Variants in ABHD18 observed in about 807,000 individuals in gnomAD.
ABHD18 encodes cardiolipin-specific deacylase, mitochondrial.
A neutral mutation model predicts 65.9 loss-of-function variants in ABHD18; 55 were observed. That is an observed-to-expected ratio of 0.84 (90% CI 0.67 to 1.05). ABHD18 has a LOEUF of 1.05. ABHD18 is among the 50% of genes least tolerant of loss of function. The probability of loss-of-function intolerance (pLI) is 0.00; values close to 1 mark genes in which losing one functional copy is unlikely to be tolerated. For synonymous variants in ABHD18, 181 were observed against 180.2 expected (o/e 1.00, Z -0.04); for missense variants, 533 against 558.5 (o/e 0.95, Z 0.46).
intron 3 of ABHD18, among the ~76,000 whole-genome samples, chr4:127,988,273 C>T (rs536115441): frequency 6.6e-6 from 1 of 152,258 alleles, no homozygotes; most frequent in East Asian, 1.9e-4. Flanking sequence ...CTCTGTCACC[C>T]AGGCTGCACT....
intron 1 of ABHD18, among the ~76,000 whole-genome samples, chr4:127,980,020 G>A (rs569158367): frequency 6.6e-6 from 1 of 151,490 alleles, no homozygotes; most frequent in Non-Finnish European, 1.5e-5. Flanking sequence ...TGCCAAAAAT[G>A]TGTTACATTA....
intron 9 of ABHD18, 60 bp downstream of exon 9, chr4:128,020,229 GGGGT>G: frequency 6.4e-6 from 9 of 1,406,594 alleles, no homozygotes; most frequent in Non-Finnish European, 8.9e-6. Flanking sequence ...TTGTTTTGGG[GGGGT>G]CCCCAAAACC....
chr4:127,998,352 G>A (rs1307344020), intron 4 of ABHD18, among the ~76,000 whole-genome samples: 5 of 142,304 alleles, frequency 3.5e-5, no homozygotes, highest in Non-Finnish European at 6.0e-5. Flanking sequence ...GCACGATCTC[G>A]GCTTACTGCA....
chr4:128,010,515 G>A (rs1241944749), intron 6 of ABHD18, among the ~76,000 whole-genome samples: 1 of 147,816 alleles, frequency 6.8e-6, no homozygotes, highest in Non-Finnish European at 1.5e-5. Context: ...CAAAAAGAGT[G>A]AAACTGTGTC....
intron 12 of ABHD18, among the ~76,000 whole-genome samples, chr4:128,033,529 T>G (rs1248036177): frequency 2.1e-5 from 3 of 145,398 alleles, no homozygotes; most frequent in African/African-American, 7.7e-5. Context: ...ATAGTCTTTT[T>G]TTTTTTTTTT....
At chr4:128,003,990 C>T (rs1458086659) in intron 4 of ABHD18, among the ~76,000 whole-genome samples, 2 of 151,182 alleles carry the variant, frequency 1.3e-5, no homozygotes, top group Non-Finnish European at 3.0e-5. Flanking sequence ...AACAAAAAAC[C>T]ATTTCAATTG....
intron 10 of ABHD18, among the ~76,000 whole-genome samples, chr4:128,024,234 G>A (rs1476177937): frequency 6.6e-6 from 1 of 152,004 alleles, no homozygotes; most frequent in Admixed American, 6.6e-5. Context: ...AAGAGATAGA[G>A]GGAGGGAAGA....
intron 4 of ABHD18, among the ~76,000 whole-genome samples, chr4:127,995,995 T>C (rs1298010659): frequency 6.6e-6 from 1 of 152,236 alleles, no homozygotes; most frequent in Non-Finnish European, 1.5e-5. Flanking sequence ...TTTATTTAAC[T>C]GTATGGTACT....
At chr4:127,986,150 C>T (rs11935267) in intron 3 of ABHD18, among the ~76,000 whole-genome samples, 3,992 of 152,298 alleles carry the variant, frequency 0.026, 156 homozygotes, top group African/African-American at 0.091. Context: ...AAAAGAAACC[C>T]TGTATCCATT....
At chr4:128,000,850 T>G (rs1231740911) in intron 4 of ABHD18, among the ~76,000 whole-genome samples, 5 of 152,188 alleles carry the variant, frequency 3.3e-5, no homozygotes, top group African/African-American at 1.2e-4. Flanking sequence ...ATCTTTTACC[T>G]CCTTGGTAAG....
rs1372878077 is a variant in ABHD18, at chr4:128,017,450, G to A, written c.558G>A (p.Glu186=). ...LESAALLHWL[E]REGYGPLGMT... is the part of the protein sequence containing the mutation. ...CTGCAGCTCTCTTGCACTGGCTAGA[G>A]AGGGAAGGTTACGGCCCTTTAGGAA... Residue 186 remains glutamate (E), a synonymous_variant, in exon 8 of 13, where the codon GAG becomes GAA. Transcript: ENST00000645843. 1.9e-6 allele frequency: 3 copies of A among 1,613,754 alleles called. No homozygotes were observed. The highest frequency in any genetic ancestry group is 3.3e-5 in the Admixed American group (2 of 59,992).
chr4:128,035,388 A>G (rs562576869), intron 12 of ABHD18, among the ~76,000 whole-genome samples: 29 of 152,258 alleles, frequency 1.9e-4, no homozygotes, highest in African/African-American at 6.0e-4. Flanking sequence ...CCTAGCCAAC[A>G]TGGTGATACC....
intron 4 of ABHD18, among the ~76,000 whole-genome samples, chr4:127,994,173 T>C (rs1043497467): frequency 6.6e-6 from 1 of 152,238 alleles, no homozygotes. Context: ...TGACAGGTTT[T>C]ATAGACCACA....
intron 1 of ABHD18, among the ~76,000 whole-genome samples, chr4:127,967,390 C>T (rs1232244667): frequency 6.6e-6 from 1 of 152,112 alleles, no homozygotes; most frequent in Non-Finnish European, 1.5e-5. Context: ...TGCTCTTTAC[C>T]ACCAGGCTTC....
At chr4:128,024,818 G>T (rs576115946) in intron 10 of ABHD18, among the ~76,000 whole-genome samples, 24 of 151,824 alleles carry the variant, frequency 1.6e-4, no homozygotes, top group Non-Finnish European at 3.2e-4. Flanking sequence ...TCAGCCTCCC[G>T]AGTAGCTGGG....
At chr4:127,995,569 A>G (rs970382123) in intron 4 of ABHD18, among the ~76,000 whole-genome samples, 4 of 152,334 alleles carry the variant, frequency 2.6e-5, no homozygotes, top group South Asian at 2.1e-4. Flanking sequence ...TTTTAAATAT[A>G]TATCAAAATA....
intron 4 of ABHD18, among the ~76,000 whole-genome samples, chr4:128,003,808 G>T (rs1469219829): frequency 9.9e-5 from 15 of 151,940 alleles, no homozygotes; most frequent in Non-Finnish European, 2.2e-4. Flanking sequence ...AGCCTGGTGT[G>T]GTGGTACGTG....
intron 6 of ABHD18, among the ~76,000 whole-genome samples, chr4:128,010,792 G>A (rs1324666013): frequency 2.7e-5 from 4 of 149,116 alleles, no homozygotes; most frequent in East Asian, 2.0e-4. Context: ...GCGTGTGCCT[G>A]TAATCCCAGC....
chr4:128,029,489 C>T (rs1579468959), intron 11 of ABHD18, among the ~76,000 whole-genome samples: 1 of 151,416 alleles, frequency 6.6e-6, no homozygotes, highest in Non-Finnish European at 1.5e-5. Flanking sequence ...GACACCAGCC[C>T]GGGCAACATA....
Sources: gnomAD v4.1 joint callset for allele counts (sites outside exome capture counted in the v4.1 genomes callset) on GRCh38, gnomAD v4.1.1 for gene constraint, MANE v1.5 for transcripts, NCBI Gene and HGNC (gene_info 2026-07-23, HGNC 2026-07-21) for gene names.